Variants in CNTNAP2 observed in about 807,000 individuals in gnomAD.
CNTNAP2 encodes the protein contactin associated protein 2.
A neutral mutation model predicts 155.2 loss-of-function variants in CNTNAP2; 98 were observed. The observed-to-expected ratio is 0.63, with a 90% confidence interval of 0.54 to 0.75. The LOEUF is 0.75. Ranked by LOEUF, CNTNAP2 falls within the 30% of genes least tolerant of loss-of-function variation. The probability of loss-of-function intolerance (pLI) is 0.00; values close to 1 mark genes in which losing one functional copy is unlikely to be tolerated. For synonymous variants in CNTNAP2, 651 were observed against 631.2 expected, an observed-to-expected ratio of 1.03 and a Z score of -0.47; for missense variants, 1,727 against 1,688.1, an observed-to-expected ratio of 1.02 and a Z score of -0.40.
chr7:147,538,862 G>T (rs115641864), intron 11 of CNTNAP2, among the ~76,000 whole-genome samples: 3 of 152,028 alleles, frequency 2.0e-5, no homozygotes. Context: ...AAAGCATTAG[G>T]ACCCCTAGTA....
chr7:147,575,511 C>CGTGTG (rs1800381467), intron 12 of CNTNAP2, among the ~76,000 whole-genome samples: 19 of 132,672 alleles, frequency 1.4e-4, no homozygotes, highest in African/African-American at 4.3e-4. Context: ...GGGTATACAA[C>CGTGTG]TGTGTGTGTG....
intron 3 of CNTNAP2, among the ~76,000 whole-genome samples, chr7:146,863,747 A>C (rs1040786910): frequency 6.6e-6 from 1 of 152,132 alleles, no homozygotes; most frequent in African/African-American, 2.4e-5. Flanking sequence ...AAGCTAGGCT[A>C]TTTAAGATTT....
rs573783318 is a variant in CNTNAP2 at position 147,642,291 on chromosome 7, G to T, written c.2098+2985G>T. Among the ~76,000 whole-genome samples the T allele has an allele frequency of 2.0e-5, 3 of 152,088 alleles. No individual in the cohort carries two copies. In the South Asian group the frequency reaches 6.2e-4, roughly 32 times the overall value. On this transcript the variant is annotated intron_variant, in intron 13 of 23. Coordinates refer to ENST00000361727, the MANE Select transcript of CNTNAP2 (RefSeq NM_014141.6). ...ATGTTCTTTATTTTCTTTCTTTCTTGTATTAAACTCCAAAGTCAGCTTTCA... is the reference window on the plus strand; with the variant it reads ...ATGTTCTTTATTTTCTTTCTTTCTTTTATTAAACTCCAAAGTCAGCTTTCA...
At chr7:147,301,112 T>A (rs1794938033) in intron 9 of CNTNAP2, among the ~76,000 whole-genome samples, 1 of 152,158 alleles carries the variant, frequency 6.6e-6, no homozygotes, top group Non-Finnish European at 1.5e-5. Context: ...AAAGAGCCAT[T>A]GATTCCTGGG....
At chr7:147,783,316 A>G (rs1162275658) in intron 13 of CNTNAP2, among the ~76,000 whole-genome samples, 1 of 152,076 alleles carries the variant, frequency 6.6e-6, no homozygotes, top group Non-Finnish European at 1.5e-5. Context: ...TTTTGTCTTC[A>G]TTGTTGTTTG....
intron 13 of CNTNAP2, among the ~76,000 whole-genome samples, chr7:147,674,701 A>C (rs1795840602): frequency 6.6e-6 from 1 of 152,148 alleles, no homozygotes; most frequent in South Asian, 2.1e-4. Flanking sequence ...TACACTGGTA[A>C]TTGGAGCTTG....
intron 1 of CNTNAP2, among the ~76,000 whole-genome samples, chr7:146,482,826 G>C (rs1796984038): frequency 6.6e-6 from 1 of 151,872 alleles, no homozygotes; most frequent in Non-Finnish European, 1.5e-5. Context: ...TGAATAAATA[G>C]ATATCATGGA....
chr7:146,518,135 A>G (rs1797567747), intron 1 of CNTNAP2, among the ~76,000 whole-genome samples: 1 of 151,946 alleles, frequency 6.6e-6, no homozygotes, highest in Admixed American at 6.6e-5. Flanking sequence ...TTGAGTAAGA[A>G]TTAGTATAAT....
chr7:146,932,947 G>T (rs946995819), intron 3 of CNTNAP2, among the ~76,000 whole-genome samples: 6 of 151,962 alleles, frequency 3.9e-5, no homozygotes, highest in African/African-American at 1.4e-4. Context: ...AGGATACAAA[G>T]AAATGGAAGA....
At chr7:146,491,231 T>G (rs2129131189) in intron 1 of CNTNAP2, among the ~76,000 whole-genome samples, 1 of 152,268 alleles carries the variant, frequency 6.6e-6, no homozygotes, top group African/African-American at 2.4e-5. Context: ...GAGCATAGAA[T>G]TTCATCACAG....
intron 13 of CNTNAP2, among the ~76,000 whole-genome samples, chr7:147,679,981 T>C (rs552334207): frequency 6.6e-6 from 1 of 152,074 alleles, no homozygotes; most frequent in East Asian, 1.9e-4. Context: ...CTTTTTTTTT[T>C]TAATTCCACT....
rs149942490 is a variant in CNTNAP2, at chr7:147,206,169, C to A, written c.1348+73660C>A. On this transcript the variant is annotated intron_variant, in intron 8 of 23. Transcript: ENST00000361727. Reference sequence around the variant, plus strand: ...AAAACTTCTTCTCAACTCATGCTTACAAGCTTCTTTGTTAAACACTTCCAT... The same window carrying A: ...AAAACTTCTTCTCAACTCATGCTTAAAAGCTTCTTTGTTAAACACTTCCAT... Among the ~76,000 whole-genome samples, 7 of 151,420 alleles carry A rather than the reference C, an allele frequency of 4.6e-5. No homozygotes were observed. The East Asian group carries it at 1.4e-3, about 30-fold the overall frequency.
chr7:146,784,332 C>G (rs1420860738), intron 2 of CNTNAP2, among the ~76,000 whole-genome samples: 1 of 152,138 alleles, frequency 6.6e-6, no homozygotes, highest in Non-Finnish European at 1.5e-5. Context: ...CTCTTTAGAT[C>G]ACAACATTAA....
chr7:146,273,131 G>A lies in CNTNAP2; in HGVS notation c.97+156158G>A, dbSNP rs559670171. ...GAGAGAGATCAGAAAGGAGACATGG[G>A]GAGATATGGAAAATTTAACCAGAGG... On this transcript the variant is annotated intron_variant, in intron 1 of 23. Transcript: ENST00000361727. Among the ~76,000 whole-genome samples, 3 of 151,112 alleles carry A rather than the reference G, an allele frequency of 2.0e-5. No individual in the cohort carries two copies. The East Asian group carries it at 5.9e-4, about 30-fold the overall frequency.
At chr7:148,058,299 A>G (rs6971366) in intron 15 of CNTNAP2, among the ~76,000 whole-genome samples, 16,068 of 152,128 alleles carry the variant, frequency 0.11, 1,093 homozygotes, top group East Asian at 0.21. Flanking sequence ...AAACAGGCAG[A>G]TGCGAATACA....
At chr7:146,484,628 CAGAAAGAAAGAAA>C (rs899001029) in intron 1 of CNTNAP2, among the ~76,000 whole-genome samples, 1 of 151,754 alleles carries the variant, frequency 6.6e-6, no homozygotes, top group Non-Finnish European at 1.5e-5. Flanking sequence ...GAAACCGTAT[CAGAAAGAAAGAAA>C]AGAAAGAAAG....
intron 15 of CNTNAP2, among the ~76,000 whole-genome samples, chr7:148,080,792 A>T (rs964935495): frequency 3.3e-5 from 5 of 152,140 alleles, no homozygotes; most frequent in Admixed American, 1.3e-4. Flanking sequence ...CAGGGGGGGA[A>T]ATGTGAGGAA....
At position 147,516,895 on chromosome 7, in the gene CNTNAP2, C is replaced by G. The variant is rs562344854; in HGVS notation, c.1777+30854C>G. Reference sequence around the variant, plus strand: ...TGTGTGTGTGTGTGACATAATCTCGCTCTGTGCCCAGGATGCAGTGCAGTG... The same window carrying G: ...TGTGTGTGTGTGTGACATAATCTCGGTCTGTGCCCAGGATGCAGTGCAGTG... On this transcript the variant is annotated intron_variant, in intron 11 of 23. Transcript: ENST00000361727. Among the ~76,000 whole-genome samples, 200 of 143,170 alleles carry G rather than the reference C, an allele frequency of 1.4e-3. 3 individuals carry two copies. Among genetic ancestry groups the G allele is most frequent in the African/African-American group, 5.1e-3 (191 of 37,484 alleles). 93.9% of individuals were successfully genotyped at this position (143,170 alleles called of 152,430 possible).
chr7:147,864,010 T>C (rs554931615), intron 13 of CNTNAP2, among the ~76,000 whole-genome samples: 93 of 152,256 alleles, frequency 6.1e-4, no homozygotes, highest in African/African-American at 2.1e-3. Context: ...CCCATGCCTA[T>C]GTCCTGAATG....
Sources: allele counts gnomAD v4.1 joint callset (sites outside exome capture counted in the v4.1 genomes callset), GRCh38; gene constraint gnomAD v4.1.1; transcripts MANE v1.5; gene names NCBI Gene and HGNC (gene_info 2026-07-23, HGNC 2026-07-21).